Variants in NDUFB9 observed in about 807,000 individuals in gnomAD.
NDUFB9 encodes the protein NADH dehydrogenase [ubiquinone] 1 beta subcomplex subunit 9.
In NDUFB9, 24 loss-of-function variants were observed where a neutral mutation model predicts 30.2. The ratio of observed to expected loss-of-function variants is 0.80; its 90% CI spans 0.58 to 1.12. The LOEUF (loss-of-function observed/expected upper bound fraction) is 1.12, where lower values mean the gene tolerates loss of function less well. Ranked by LOEUF, NDUFB9 falls within the 50% of genes most tolerant of loss-of-function variation. NDUFB9 has a pLI of 0.00. For synonymous variants in NDUFB9, 80 were observed against 84.0 expected (o/e 0.95, Z 0.26); for missense variants, 204 against 226.0 (o/e 0.90, Z 0.62).
chr8:124,539,375 A>G (rs893381031), intron 1 of NDUFB9, 88 bp downstream of exon 1: 2 of 1,185,774 alleles, frequency 1.7e-6, no homozygotes, highest in Non-Finnish European at 2.5e-6. Flanking sequence ...AGGTTCAAGG[A>G]CTTCGGGAAC....
intron 2 of NDUFB9, among the ~76,000 whole-genome samples, chr8:124,544,299 AACACAG>A (rs1470429107): frequency 6.6e-6 from 1 of 152,264 alleles, no homozygotes; most frequent in Non-Finnish European, 1.5e-5. Flanking sequence ...CCATCTCTGT[AACACAG>A]ATGTGCAAGG....
rs751717955 is a variant in NDUFB9, at chr8:124,545,419, T to C, written c.295-1581T>C. Among the ~76,000 whole-genome samples, 6 of 152,360 alleles carry C rather than the reference T, an allele frequency of 3.9e-5. No homozygotes were observed. The South Asian group carries it at 1.2e-3, about 32-fold the overall frequency. On this transcript the variant is annotated intron_variant, in intron 2 of 3. Transcript: ENST00000276689. ...AAGCCACTCCAGCCTTTGGCAATCATCACCCTGATTAGTCACCAGCCATCA... is the reference window on the plus strand; with the variant it reads ...AAGCCACTCCAGCCTTTGGCAATCACCACCCTGATTAGTCACCAGCCATCA...
chr8:124,549,698 C>G, intron 3 of NDUFB9, 63 bp from the exon 4 acceptor site: 1 of 1,517,720 alleles, frequency 6.6e-7, no homozygotes, highest in Non-Finnish European at 9.1e-7. Context: ...TTCACTGCAG[C>G]AGACAGATTT....
intron 3 of NDUFB9, among the ~76,000 whole-genome samples, chr8:124,548,450 C>T (rs142865964): frequency 6.6e-6 from 1 of 152,122 alleles, no homozygotes; most frequent in African/African-American, 2.4e-5. Context: ...GTGGGTGCAG[C>T]ATATTTGGAG....
Position 124,543,036 on chromosome 8 carries a change from G to T in NDUFB9, c.102-51G>T. The T allele has an allele frequency of 1.9e-6, 3 of 1,590,826 alleles. No individual in the cohort carries two copies. The South Asian group carries it at 3.3e-5, about 18-fold the overall frequency. ...CAGCCTCCTGTCAGACAGCAACACTGACCACGTGAGTAGGTAACATTTCTA... is the reference window on the plus strand; with the variant it reads ...CAGCCTCCTGTCAGACAGCAACACTTACCACGTGAGTAGGTAACATTTCTA... On this transcript the variant is annotated intron_variant, in intron 1 of 3. Transcript: ENST00000276689.
At chr8:124,543,820 G>C (rs1003852121) in intron 2 of NDUFB9, among the ~76,000 whole-genome samples, 28 of 152,140 alleles carry the variant, frequency 1.8e-4, no homozygotes, top group African/African-American at 6.5e-4. Flanking sequence ...AGTGAAATTA[G>C]GACAATTAAC....
chr8:124,540,067 C>T (rs923553760), intron 1 of NDUFB9, among the ~76,000 whole-genome samples: 1 of 152,120 alleles, frequency 6.6e-6, no homozygotes, highest in Non-Finnish European at 1.5e-5. Context: ...ACTCTCCAAA[C>T]GTAGTTTTAT....
rs147044660 is a variant in NDUFB9, at chr8:124,539,210, C to G, written c.24C>G (p.Pro8=). The G allele has an allele frequency of 3.7e-6, 6 of 1,614,234 alleles. No homozygotes were observed. In the East Asian group the frequency reaches 1.3e-4, roughly 36 times the overall value. Residue 8 remains proline (P), a synonymous_variant, in exon 1 of 4, where the codon CCC becomes CCG. Coordinates refer to ENST00000276689, the MANE Select transcript of NDUFB9 (RefSeq NM_005005.3). The part of the protein sequence containing the change: MAFLASG[P]YLTHQQKVLR... Reference sequence around the variant, plus strand: ...TAATGGCGTTCTTGGCGTCGGGACCCTACCTGACCCATCAGCAAAAGGTGT... The same window carrying G: ...TAATGGCGTTCTTGGCGTCGGGACCGTACCTGACCCATCAGCAAAAGGTGT...
At chr8:124,541,764 T>C (rs1486587640) in intron 1 of NDUFB9, among the ~76,000 whole-genome samples, 1 of 148,256 alleles carries the variant, frequency 6.7e-6, no homozygotes, top group Non-Finnish European at 1.5e-5. Context: ...CCACCACGCC[T>C]GGCTAATTTT....
chr8:124,539,408 C>A, intron 1 of NDUFB9, 121 bp downstream of exon 1: 1 of 865,670 alleles, frequency 1.2e-6, no homozygotes, highest in Non-Finnish European at 1.9e-6. Flanking sequence ...TGGCCTCTCG[C>A]TTCACAGAAT....
Position 124,549,694 on chromosome 8 carries a change from G to C in NDUFB9, c.409-67G>C, listed in dbSNP as rs1201444976. 6.7e-6 allele frequency: 10 copies of C among 1,487,992 alleles called. No homozygotes were observed. In the East Asian group the frequency reaches 2.3e-4, roughly 34 times the overall value. The allele number at this position is 1,487,992 out of a possible 1,614,324, so 92.2% of individuals were successfully genotyped here. A position where few individuals can be genotyped will look rare whatever the true frequency, so the allele number is the denominator to read the frequency against. ...ATAGACATAAAGCTGACCCTTCACTGCAGCAGACAGATTTTTATAGTCAAT... is the reference window on the plus strand; with the variant it reads ...ATAGACATAAAGCTGACCCTTCACTCCAGCAGACAGATTTTTATAGTCAAT... On this transcript the variant is annotated intron_variant, in intron 3 of 3. Transcript: ENST00000276689.
intron 1 of NDUFB9, among the ~76,000 whole-genome samples, chr8:124,540,798 T>C (rs1435627777): frequency 1.3e-5 from 2 of 152,342 alleles, no homozygotes; most frequent in East Asian, 3.9e-4. Flanking sequence ...TTGTTGTATG[T>C]ACTCGGGCAG....
chr8:124,548,491 G>A (rs1822222706), intron 3 of NDUFB9, among the ~76,000 whole-genome samples: 1 of 152,292 alleles, frequency 6.6e-6, no homozygotes, highest in East Asian at 1.9e-4. Context: ...GTCATGAGGC[G>A]AGGAAGAGCT....
At chr8:124,539,526 C>A in intron 1 of NDUFB9, 1 of 543,478 alleles carries the variant, frequency 1.8e-6, no homozygotes, top group South Asian at 2.1e-5. Flanking sequence ...GTAAAACGGA[C>A]GCACGACCAG....
rs1427581764 is a variant in NDUFB9 at position 124,546,551 on chromosome 8, T to A, written c.295-449T>A. 6 of 197,390 alleles carry A rather than the reference T, an allele frequency of 3.0e-5. No homozygotes were observed. In the East Asian group the frequency reaches 6.5e-4, roughly 22 times the overall value. The allele number at this position is 197,390 out of a possible 1,614,324, so 12.2% of individuals were successfully genotyped here. A position where few individuals can be genotyped will look rare whatever the true frequency, so the allele number is the denominator to read the frequency against. The stretch of plus-strand genomic sequence containing the variant: ...GTTTCTTAGGTGTCAGTTTTCTCTC[T>A]CTGAGACGTCATTAAGACTTTTCTT... On this transcript the variant is annotated intron_variant, in intron 2 of 3. Coordinates refer to ENST00000276689, the MANE Select transcript of NDUFB9 (RefSeq NM_005005.3).
intron 1 of NDUFB9, among the ~76,000 whole-genome samples, chr8:124,540,292 T>C (rs7836952): frequency 9.8e-5 from 15 of 152,326 alleles, no homozygotes; most frequent in African/African-American, 3.4e-4. Context: ...TTTGACAGAA[T>C]TTGCAATTCA....
chr8:124,549,013 C>CT (rs1437335801), intron 3 of NDUFB9, among the ~76,000 whole-genome samples: 1 of 152,198 alleles, frequency 6.6e-6, no homozygotes, highest in Non-Finnish European at 1.5e-5. Flanking sequence ...TCAGAAATGT[C>CT]TCACCGTTTA....
intron 1 of NDUFB9, 75 bp downstream of exon 1, chr8:124,539,362 T>C: frequency 7.4e-7 from 1 of 1,349,672 alleles, no homozygotes; most frequent in South Asian, 1.2e-5. Flanking sequence ...CCTGGGTACC[T>C]GGAGGTTCAA....
At chr8:124,539,311 CGGG>C in intron 1 of NDUFB9, 24 bp downstream of exon 1, 2 of 1,612,394 alleles carry the variant, frequency 1.2e-6, no homozygotes, top group Non-Finnish European at 8.5e-7. Context: ...ACCCAGGACT[CGGG>C]GAGGTGACCC....
Sources: gnomAD v4.1 joint callset for allele counts (sites outside exome capture counted in the v4.1 genomes callset) on GRCh38, gnomAD v4.1.1 for gene constraint, MANE v1.5 for transcripts, NCBI Gene and HGNC (gene_info 2026-07-23, HGNC 2026-07-21) for gene names.